DYNC1LI1: variants seen among roughly 807,000 people sequenced by gnomAD.
DYNC1LI1 encodes dynein cytoplasmic 1 light intermediate chain 1, also known as cytoplasmic dynein 1 light intermediate chain 1.
DYNC1LI1 carries 19 observed loss-of-function variants against 63.8 expected under a neutral mutation model. The ratio of observed to expected loss-of-function variants is 0.30; its 90% CI spans 0.21 to 0.44. The LOEUF (loss-of-function observed/expected upper bound fraction) is 0.44, where lower values mean the gene tolerates loss of function less well. Among genes scored for constraint, DYNC1LI1 ranks in the 20% least tolerant of loss-of-function variants. The pLI is 1.00. For missense variants in DYNC1LI1, 565 were observed against 630.2 expected (o/e 0.90, Z 1.11); for synonymous variants, 225 against 232.3 (o/e 0.97, Z 0.28).
chr3:32,559,176 C>T (rs888847106), intron 2 of DYNC1LI1, among the ~76,000 whole-genome samples: 8 of 151,968 alleles, frequency 5.3e-5, no homozygotes, highest in African/African-American at 1.9e-4. Flanking sequence ...GTGTGTGCCA[C>T]TGTGCCCAGC....
intron 5 of DYNC1LI1, among the ~76,000 whole-genome samples, chr3:32,539,917 T>C (rs989371491): frequency 4.6e-5 from 7 of 151,476 alleles, no homozygotes; most frequent in Non-Finnish European, 1.0e-4. Flanking sequence ...CAGGTTGGGG[T>C]GCAGTGGCGC....
intron 2 of DYNC1LI1, among the ~76,000 whole-genome samples, chr3:32,549,047 T>C (rs984274491): frequency 6.6e-6 from 1 of 152,010 alleles, no homozygotes; most frequent in African/African-American, 2.4e-5. Context: ...CAGTAAAAAA[T>C]AAAATATAAA....
At chr3:32,548,306 C>G (rs1021378472) in intron 2 of DYNC1LI1, among the ~76,000 whole-genome samples, 2 of 152,096 alleles carry the variant, frequency 1.3e-5, no homozygotes, top group African/African-American at 4.8e-5. Context: ...GAACTGCGCA[C>G]GCCTGGGGAT....
chr3:32,569,622 T>C (rs1372461183), intron 2 of DYNC1LI1, among the ~76,000 whole-genome samples: 2 of 152,306 alleles, frequency 1.3e-5, no homozygotes, highest in Non-Finnish European at 2.9e-5. Flanking sequence ...AAAATGCGAA[T>C]CTGCGAACTA....
chr3:32,566,084 CA>C (rs1344991520), intron 2 of DYNC1LI1, among the ~76,000 whole-genome samples: 1 of 152,142 alleles, frequency 6.6e-6, no homozygotes, highest in Non-Finnish European at 1.5e-5. Flanking sequence ...CCAGCTTGGG[CA>C]ACACGGTGAG....
chr3:32,536,569 C>T (rs1432019571), intron 6 of DYNC1LI1, among the ~76,000 whole-genome samples: 1 of 152,104 alleles, frequency 6.6e-6, no homozygotes, highest in African/African-American at 2.4e-5. Context: ...TCCAATATGT[C>T]TAGATAGGCA....
chr3:32,530,215 A>G, intron 10 of DYNC1LI1, 69 bp downstream of exon 10: 1 of 1,280,422 alleles, frequency 7.8e-7, no homozygotes, highest in Admixed American at 2.5e-5. Context: ...TATGTACATA[A>G]TTAATAAAAA....
In DYNC1LI1 at chr3:32,541,192, G is replaced by A; in HGVS notation, c.583C>T (p.Gln195Ter). ...TCTTCTCCTGGCTCTACATATTCTT[G>A]GAAGTCTCTAATCACTGAAAATCAA... ...QMEQKLIRDFQEYVEPGEDFP... is the reference protein window; with the variant it reads ...QMEQKLIRDF Residue 195 changes from glutamine to a stop codon, truncating the protein, a stop_gained, in exon 5 of 13, where the codon CAA (glutamine) becomes TAA (stop). Transcript: ENST00000273130. LOFTEE classifies it high-confidence loss of function. 6.2e-7 allele frequency: 1 copy of A among 1,603,054 alleles called. No homozygotes were observed. The highest frequency in any genetic ancestry group is 8.5e-7 in the Non-Finnish European group (1 of 1,174,720).
intron 2 of DYNC1LI1, among the ~76,000 whole-genome samples, chr3:32,567,543 A>G (rs918800206): frequency 1.6e-4 from 24 of 150,594 alleles, no homozygotes; most frequent in Non-Finnish European, 2.4e-4. Flanking sequence ...TATTATTATT[A>G]TTATTATTAT....
chr3:32,536,423 C>G (rs1697774350), intron 6 of DYNC1LI1, among the ~76,000 whole-genome samples: 1 of 152,082 alleles, frequency 6.6e-6, no homozygotes, highest in African/African-American at 2.4e-5. Flanking sequence ...CATTTTCTCC[C>G]TATTTTAGCT....
At chr3:32,555,523 G>T (rs185946646) in intron 2 of DYNC1LI1, among the ~76,000 whole-genome samples, 17 of 152,296 alleles carry the variant, frequency 1.1e-4, no homozygotes, top group Admixed American at 8.5e-4. Flanking sequence ...TTGTTAAACT[G>T]TTTTTCTCTT....
intron 2 of DYNC1LI1, among the ~76,000 whole-genome samples, chr3:32,559,384 G>A (rs1040141557): frequency 1.3e-5 from 2 of 152,022 alleles, no homozygotes; most frequent in Non-Finnish European, 2.9e-5. Context: ...GACACTACAG[G>A]TGCATCCACC....
chr3:32,545,989 A>G (rs1697947128), intron 2 of DYNC1LI1, 24 bp from the exon 3 acceptor site: 1 of 1,455,080 alleles, frequency 6.9e-7, no homozygotes, highest in East Asian at 2.3e-5. Flanking sequence ...AAAAGGATAA[A>G]TCTTATAAAT....
rs1559436723 is a variant in DYNC1LI1 at position 32,538,290 on chromosome 3, G to A, written c.739-1186C>T. ...CAGAGTCTCATTATATAATTATGAG[G>A]AGCATTTCATTGCCCATTTTATCAA... On this transcript the variant is annotated intron_variant, in intron 5 of 12. Transcript: ENST00000273130. Among the ~76,000 whole-genome samples, 2 of 149,380 alleles carry A rather than the reference G, an allele frequency of 1.3e-5. 1 individual carries two copies. The highest frequency in any genetic ancestry group is 4.2e-4 in the South Asian group (2 of 4,808).
intron 2 of DYNC1LI1, among the ~76,000 whole-genome samples, chr3:32,569,351 T>C (rs1334708550): frequency 1.3e-5 from 2 of 152,222 alleles, no homozygotes; most frequent in African/African-American, 2.4e-5. Context: ...CAGCAGTCTA[T>C]TAAAAAAGTA....
chr3:32,570,593 A>C (rs201203399), intron 1 of DYNC1LI1, 32 bp downstream of exon 1: 8 of 1,547,776 alleles, frequency 5.2e-6, no homozygotes, highest in Non-Finnish European at 8.7e-7. Flanking sequence ...CGGGGGAGCC[A>C]GCGGGGGCTG....
In DYNC1LI1 at chr3:32,560,511, C is replaced by T. The variant is rs189295852; in HGVS notation, c.220+9835G>A. On this transcript the variant is annotated intron_variant, in intron 2 of 12. Transcript: ENST00000273130. The stretch of plus-strand genomic sequence containing the variant: ...AAACCCTTTCCTGTAAAATAGTAAA[C>T]ATGCTACATAATACGGTACCTAGCA... 1.9e-3 allele frequency among the ~76,000 whole-genome samples: 291 copies of T among 152,178 alleles called. 1 individual carries two copies. Among genetic ancestry groups the T allele is most frequent in the African/African-American group, 6.5e-3 (268 of 41,532 alleles).
intron 5 of DYNC1LI1, among the ~76,000 whole-genome samples, chr3:32,538,303 C>T (rs1023629041): frequency 2.7e-5 from 4 of 149,780 alleles, no homozygotes; most frequent in Non-Finnish European, 4.4e-5. Flanking sequence ...CATTTCATTG[C>T]CCATTTTATC....
chr3:32,530,794 T>C (rs1697685901), intron 8 of DYNC1LI1: 2 of 364,398 alleles, frequency 5.5e-6, no homozygotes, highest in Admixed American at 4.1e-5. Flanking sequence ...ATGTGGCTAG[T>C]GTGACTAAGG....
Sources: gnomAD v4.1 joint callset for allele counts (sites outside exome capture counted in the v4.1 genomes callset) on GRCh38, gnomAD v4.1.1 for gene constraint, MANE v1.5 for transcripts, NCBI Gene and HGNC (gene_info 2026-07-23, HGNC 2026-07-21) for gene names.